Variants in PDE4D observed in about 807,000 individuals in gnomAD.
PDE4D encodes phosphodiesterase 4D, also known as 3',5'-cyclic-AMP phosphodiesterase 4D.
Under a neutral mutation model 87.4 loss-of-function variants are expected in PDE4D, and 24 were observed. The ratio of observed to expected loss-of-function variants is 0.27; its 90% CI spans 0.20 to 0.39. The LOEUF is 0.39. PDE4D is among the 10% of genes least tolerant of loss of function. The pLI is 1.00. For missense variants in PDE4D, 714 were observed against 1,041.0 expected, an observed-to-expected ratio of 0.69 and a Z score of 4.32; for synonymous variants, 384 against 383.2, an observed-to-expected ratio of 1.00 and a Z score of -0.02.
chr5:59,778,497 G>T (rs1045040160), intron 1 of PDE4D, among the ~76,000 whole-genome samples: 1 of 152,110 alleles, frequency 6.6e-6, no homozygotes, highest in Non-Finnish European at 1.5e-5. Flanking sequence ...TATTATAAAG[G>T]CATATATTCT....
chr5:59,885,550 A>G (rs1417501681), intron 1 of PDE4D, among the ~76,000 whole-genome samples: 1 of 152,156 alleles, frequency 6.6e-6, no homozygotes, highest in African/African-American at 2.4e-5. Context: ...AATTTTGTGG[A>G]TAAAAGACTC....
chr5:60,259,938 G>C, intron 1 of PDE4D, among the ~76,000 whole-genome samples: 1 of 151,786 alleles, frequency 6.6e-6, no homozygotes, highest in East Asian at 1.9e-4. Flanking sequence ...AAGGGTTAGC[G>C]GCACTAAAGC....
chr5:59,041,931 AG>A (rs1396980685), intron 5 of PDE4D, among the ~76,000 whole-genome samples: 2 of 152,256 alleles, frequency 1.3e-5, no homozygotes, highest in Non-Finnish European at 2.9e-5. Flanking sequence ...GTATAGTGAC[AG>A]GAGGAACAAT....
rs563027978 is a variant in PDE4D, at chr5:59,850,662, G to A, written c.455+42506C>T. Among the ~76,000 whole-genome samples, 10 of 152,058 alleles carry A rather than the reference G, an allele frequency of 6.6e-5. No homozygotes were observed. In the East Asian group the frequency reaches 1.9e-3, roughly 30 times the overall value. ...GAATGAAAGGGATGACGCCAGAGAT[G>A]GTACAGATTATGTCCTCAAGTGCCT... On this transcript the variant is annotated intron_variant, in intron 1 of 14. Coordinates refer to ENST00000340635, the MANE Select transcript of PDE4D (RefSeq NM_001104631.2).
At chr5:59,216,704 T>C (rs1157862195) in intron 1 of PDE4D, 3 of 155,192 alleles carry the variant, frequency 1.9e-5, no homozygotes, top group African/African-American at 7.2e-5. Flanking sequence ...CAACTCATAT[T>C]GAGGCACTAT....
At chr5:59,154,926 G>C (rs886827073) in intron 5 of PDE4D, among the ~76,000 whole-genome samples, 1 of 152,114 alleles carries the variant, frequency 6.6e-6, no homozygotes, top group Non-Finnish European at 1.5e-5. Context: ...TTTGGTAGAA[G>C]GATTCATGAT....
At chr5:59,859,713 G>A (rs1745973545) in intron 1 of PDE4D, among the ~76,000 whole-genome samples, 1 of 152,004 alleles carries the variant, frequency 6.6e-6, no homozygotes, top group Non-Finnish European at 1.5e-5. Flanking sequence ...ATAATAAAAT[G>A]GTGTGATGAG....
intron 1 of PDE4D, among the ~76,000 whole-genome samples, chr5:59,394,640 T>C (rs1562098311): frequency 1.3e-5 from 2 of 152,222 alleles, no homozygotes; most frequent in East Asian, 3.8e-4. Context: ...TAATGAAAGA[T>C]GGCACTTTTC....
chr5:59,124,374 A>G (rs1308346990), intron 5 of PDE4D, among the ~76,000 whole-genome samples: 1 of 152,228 alleles, frequency 6.6e-6, no homozygotes, highest in Non-Finnish European at 1.5e-5. Flanking sequence ...TTTATACTCG[A>G]GTAGACCATA....
At chr5:60,135,798 C>T (rs1000371012) in intron 2 of PDE4D, among the ~76,000 whole-genome samples, 1 of 152,154 alleles carries the variant, frequency 6.6e-6, no homozygotes, top group East Asian at 1.9e-4. Context: ...TCTCTTCAGG[C>T]TTCCTTAATG....
chr5:59,508,777 G>T (rs1809743049), intron 1 of PDE4D, among the ~76,000 whole-genome samples: 3 of 152,010 alleles, frequency 2.0e-5, no homozygotes, highest in Admixed American at 2.0e-4. Flanking sequence ...AAAATTGAAT[G>T]TCTAATAACT....
chr5:59,130,136 A>G (rs1195684694), intron 5 of PDE4D, among the ~76,000 whole-genome samples: 1 of 152,190 alleles, frequency 6.6e-6, no homozygotes, highest in East Asian at 1.9e-4. Flanking sequence ...TTCTAGTGAA[A>G]AGCTAAGCCA....
chr5:59,235,788 C>T (rs1756280355), intron 1 of PDE4D, among the ~76,000 whole-genome samples: 2 of 152,090 alleles, frequency 1.3e-5, no homozygotes, highest in African/African-American at 4.8e-5. Flanking sequence ...AGGATTTTAG[C>T]AAGAGTCCTT....
chr5:60,329,057 G>A (rs1310178507), intron 1 of PDE4D, among the ~76,000 whole-genome samples: 1 of 152,120 alleles, frequency 6.6e-6, no homozygotes, highest in Non-Finnish European at 1.5e-5. Flanking sequence ...AAGTATAAAA[G>A]CATTTAGGTT....
At chr5:59,099,941 T>G (rs558790398) in intron 5 of PDE4D, among the ~76,000 whole-genome samples, 1 of 152,322 alleles carries the variant, frequency 6.6e-6, no homozygotes, top group South Asian at 2.1e-4. Context: ...TAGGCCCTGC[T>G]CTCATGTTTT....
intron 1 of PDE4D, among the ~76,000 whole-genome samples, chr5:60,224,690 T>C (rs2149605813): frequency 6.6e-6 from 1 of 152,268 alleles, no homozygotes; most frequent in East Asian, 1.9e-4. Context: ...AAGTGAAAGC[T>C]GCAAAACTTC....
intron 1 of PDE4D, among the ~76,000 whole-genome samples, chr5:59,448,552 GGTAA>G (rs1205861360): frequency 6.6e-6 from 1 of 152,174 alleles, no homozygotes; most frequent in African/African-American, 2.4e-5. Context: ...CTTTTGCAGT[GGTAA>G]GTCTCAAATG....
chr5:59,152,911 G>C (rs780737670), intron 5 of PDE4D, among the ~76,000 whole-genome samples: 2 of 152,056 alleles, frequency 1.3e-5, no homozygotes, highest in Non-Finnish European at 2.9e-5. Flanking sequence ...AAACATAAAA[G>C]GAAAGCACTG....
chr5:59,313,286 C>A (rs908102482), intron 1 of PDE4D, among the ~76,000 whole-genome samples: 4 of 152,154 alleles, frequency 2.6e-5, no homozygotes, highest in Non-Finnish European at 4.4e-5. Flanking sequence ...AGATTCACAT[C>A]CCCTTTATTT....
Sources: gnomAD v4.1 joint callset for allele counts (sites outside exome capture counted in the v4.1 genomes callset) on GRCh38, gnomAD v4.1.1 for gene constraint, MANE v1.5 for transcripts, NCBI Gene and HGNC (gene_info 2026-07-23, HGNC 2026-07-21) for gene names.